SPECC1L: variants seen among roughly 807,000 people sequenced by gnomAD.
SPECC1L encodes the protein cytospin-A.
In SPECC1L, 40 loss-of-function variants were observed where a neutral mutation model predicts 116.8. The observed-to-expected ratio is 0.34, with a 90% CI of 0.27 to 0.45. The LOEUF is 0.45. Among genes scored for constraint, SPECC1L ranks in the 20% least tolerant of loss-of-function variants. SPECC1L has a pLI of 1.00. For synonymous variants in SPECC1L, 504 were observed against 500.6 expected (o/e 1.01, Z -0.09); for missense variants, 1,110 against 1,373.6 (o/e 0.81, Z 3.03).
intron 14 of SPECC1L, among the ~76,000 whole-genome samples, chr22:24,409,305 G>T (rs2042648316): frequency 6.6e-6 from 1 of 152,158 alleles, no homozygotes; most frequent in Non-Finnish European, 1.5e-5. Context: ...CTGGCTCTTG[G>T]TGCAGTTGAA....
intron 14 of SPECC1L, among the ~76,000 whole-genome samples, chr22:24,404,599 C>T (rs934526376): frequency 1.3e-5 from 2 of 152,162 alleles, no homozygotes; most frequent in African/African-American, 4.8e-5. Context: ...CCTACATCTC[C>T]CACCCACCAC....
At chr22:24,278,142 C>G (rs1301573746) in intron 2 of SPECC1L, among the ~76,000 whole-genome samples, 7 of 151,970 alleles carry the variant, frequency 4.6e-5, no homozygotes, top group East Asian at 3.9e-4. Flanking sequence ...ATCACTTGAG[C>G]CTAGTAGTTT....
intron 1 of SPECC1L, among the ~76,000 whole-genome samples, chr22:24,275,676 A>G (rs2048823728): frequency 6.6e-6 from 1 of 152,142 alleles, no homozygotes; most frequent in African/African-American, 2.4e-5. Context: ...GAGGAAAAAT[A>G]CATTGCCTCT....
chr22:24,292,892 G>T (rs1301269996), intron 2 of SPECC1L, among the ~76,000 whole-genome samples: 1 of 152,170 alleles, frequency 6.6e-6, no homozygotes, highest in Non-Finnish European at 1.5e-5. Context: ...GTATCCTAAA[G>T]GCTGGAACCT....
intron 9 of SPECC1L, among the ~76,000 whole-genome samples, chr22:24,335,017 C>A (rs1002263458): frequency 6.6e-6 from 1 of 152,168 alleles, no homozygotes; most frequent in South Asian, 2.1e-4. Flanking sequence ...CAGCCTTCTC[C>A]CCATGCATCA....
At chr22:24,312,649 A>T (rs1330779577) in intron 3 of SPECC1L, among the ~76,000 whole-genome samples, 1 of 152,202 alleles carries the variant, frequency 6.6e-6, no homozygotes, top group Non-Finnish European at 1.5e-5. Flanking sequence ...CCAATTTATT[A>T]TCCATAGTGT....
chr22:24,405,400 G>A (rs563192795), intron 14 of SPECC1L, among the ~76,000 whole-genome samples: 3 of 151,896 alleles, frequency 2.0e-5, no homozygotes, highest in South Asian at 4.2e-4. Flanking sequence ...GCAGAATTGC[G>A]GCCACGTCCC....
chr22:24,358,097 G>C (rs2041566445), intron 11 of SPECC1L, among the ~76,000 whole-genome samples: 1 of 150,628 alleles, frequency 6.6e-6, no homozygotes, highest in African/African-American at 2.4e-5. Context: ...ATATTGTAGA[G>C]GTGTTTTGTT....
chr22:24,324,091 C>T, intron 5 of SPECC1L, 129 bp from the exon 6 acceptor site: 2 of 746,440 alleles, frequency 2.7e-6, no homozygotes, highest in Non-Finnish European at 4.7e-6. Context: ...AGTTATTACA[C>T]AGGTTGTTTT....
chr22:24,316,231 A>G (rs1029555769), intron 4 of SPECC1L, among the ~76,000 whole-genome samples: 3 of 152,318 alleles, frequency 2.0e-5, no homozygotes, highest in Admixed American at 2.0e-4. Context: ...AATCCAGAGA[A>G]GAATTTTTCT....
At chr22:24,380,302 C>A (rs775035726) in intron 14 of SPECC1L, among the ~76,000 whole-genome samples, 6 of 152,214 alleles carry the variant, frequency 3.9e-5, no homozygotes, top group Non-Finnish European at 5.9e-5. Context: ...TCCTTTGGAG[C>A]CAGCAGTTTT....
intron 1 of SPECC1L, among the ~76,000 whole-genome samples, chr22:24,274,886 T>A (rs893811054): frequency 6.6e-6 from 1 of 152,208 alleles, no homozygotes; most frequent in African/African-American, 2.4e-5. Context: ...ACTGAACAGC[T>A]CTTGGCCCCT....
rs771156562 is a variant in SPECC1L at position 24,313,392 on chromosome 22, C to T, written c.233C>T (p.Thr78Ile). 11 of 1,614,024 alleles carry T rather than the reference C, an allele frequency of 6.8e-6. No individual in the cohort carries two copies. In the African/African-American group the frequency reaches 1.1e-4, roughly 16 times the overall value. The change falls in exon 4 of 17, where the codon ACC becomes ATC. Residue 78 changes from threonine to isoleucine, a missense_variant. By Grantham distance (89) the Thr-to-Ile change is moderately conservative. Coordinates refer to ENST00000314328, the MANE Select transcript of SPECC1L (RefSeq NM_015330.6). ...AATGGTGTTAAAGGAAAGAAAAGCA[C>T]CTGCCCATCTGCAGCACCTTCAGCA... is the stretch of plus-strand genomic sequence containing the variant. Reference protein sequence around the residue: ...VTNGVKGKKSTCPSAAPSASA... With the variant: ...VTNGVKGKKSICPSAAPSASA...
chr22:24,295,069 C>T (rs1347300998), intron 2 of SPECC1L, among the ~76,000 whole-genome samples: 1 of 151,436 alleles, frequency 6.6e-6, no homozygotes, highest in East Asian at 1.9e-4. Context: ...AACTCTGGAG[C>T]TTCCTGTGTG....
At chr22:24,378,012 C>T (rs994440406) in intron 14 of SPECC1L, among the ~76,000 whole-genome samples, 4 of 152,174 alleles carry the variant, frequency 2.6e-5, no homozygotes, top group Non-Finnish European at 4.4e-5. Flanking sequence ...TTGACTTCTC[C>T]TCTGTAGCTA....
intron 14 of SPECC1L, among the ~76,000 whole-genome samples, chr22:24,406,672 C>A (rs556651635): frequency 1.3e-5 from 2 of 152,230 alleles, no homozygotes; most frequent in South Asian, 2.1e-4. Flanking sequence ...AGGGAGAAGC[C>A]ATTTCTCTGG....
At chr22:24,387,727 A>G (rs2042187181) in intron 14 of SPECC1L, among the ~76,000 whole-genome samples, 1 of 152,144 alleles carries the variant, frequency 6.6e-6, no homozygotes, top group Non-Finnish European at 1.5e-5. Context: ...TTCTATTACT[A>G]TTGAAATTAC....
intron 6 of SPECC1L, among the ~76,000 whole-genome samples, chr22:24,327,825 G>A (rs955302188): frequency 7.2e-5 from 11 of 152,094 alleles, no homozygotes; most frequent in African/African-American, 1.9e-4. Flanking sequence ...TCTAGTGGTC[G>A]AGACAGATGT....
intron 14 of SPECC1L, among the ~76,000 whole-genome samples, chr22:24,382,662 G>A (rs187451915): frequency 0.031 from 4,142 of 133,544 alleles, 107 homozygotes; most frequent in African/African-American, 0.07. Context: ...AGATCATGCC[G>A]CCACTGCACT....
Sources: gnomAD v4.1 joint callset for allele counts (sites outside exome capture counted in the v4.1 genomes callset) on GRCh38, gnomAD v4.1.1 for gene constraint, MANE v1.5 for transcripts, NCBI Gene and HGNC (gene_info 2026-07-23, HGNC 2026-07-21) for gene names.